KIF13B: variants seen among roughly 807,000 people sequenced by gnomAD.
KIF13B encodes the protein kinesin family member 13B.
KIF13B carries 127 observed loss-of-function variants against 222.0 expected under a neutral mutation model. The ratio of observed to expected loss-of-function variants is 0.57; its 90% confidence interval spans 0.50 to 0.66. KIF13B has a LOEUF of 0.66. Among genes scored for constraint, KIF13B ranks in the 30% least tolerant of loss-of-function variants. The pLI is 0.00. For missense variants in KIF13B, 2,173 were observed against 2,379.0 expected (o/e 0.91, Z 1.80); for synonymous variants, 976 against 919.0 (o/e 1.06, Z -1.12).
intron 35 of KIF13B, among the ~76,000 whole-genome samples, chr8:29,104,488 A>C (rs994143521): frequency 6.6e-6 from 1 of 152,150 alleles, no homozygotes; most frequent in Admixed American, 6.5e-5. Flanking sequence ...CCACGTTTGC[A>C]TTGATAACTG....
chr8:29,095,051 G>C (rs1290490807), intron 36 of KIF13B, among the ~76,000 whole-genome samples: 1 of 151,688 alleles, frequency 6.6e-6, no homozygotes, highest in Non-Finnish European at 1.5e-5. Flanking sequence ...TAGATTCTCA[G>C]AAAGAGCAGA....
At chr8:29,140,754 C>A (rs1357222249) in intron 19 of KIF13B, 137 bp from the exon 20 acceptor site, 2 of 808,426 alleles carry the variant, frequency 2.5e-6, no homozygotes, top group Non-Finnish European at 3.8e-6. Flanking sequence ...TAGAGTAAAA[C>A]ATTCTAAAGT....
intron 2 of KIF13B, among the ~76,000 whole-genome samples, chr8:29,225,416 A>G (rs1176138491): frequency 6.6e-6 from 1 of 152,198 alleles, no homozygotes; most frequent in African/African-American, 2.4e-5. Flanking sequence ...AAACTACTCA[A>G]TGCAAGATTG....
In KIF13B at chr8:29,070,093, T is replaced by TG. The variant is rs927463584; in HGVS notation, c.*410dup. On this transcript the variant is annotated 3_prime_UTR_variant, in exon 40 of 40. Transcript: ENST00000524189. The surrounding 1 kb of genome is among the most constrained non-coding windows in gnomAD (Gnocchi z 4.1). ...GTGGGTGGGGGGGCTTGCCCTCCAGTGGGGAGGAAAGGCACTGGTTACAAT... is the reference window on the plus strand; with the variant it reads ...GTGGGTGGGGGGGCTTGCCCTCCAGTGGGGGAGGAAAGGCACTGGTTACAAT... 1 of 180,754 alleles carries TG rather than the reference T, an allele frequency of 5.5e-6. No homozygotes were observed. Among genetic ancestry groups the TG allele is most frequent in the Non-Finnish European group, 1.1e-5 (1 of 87,026 alleles). 11.2% of individuals were successfully genotyped at this position (180,754 alleles called of 1,614,324 possible). A position where few individuals can be genotyped will look rare whatever the true frequency, so the allele number is the denominator to read the frequency against.
rs1479095203 is a variant in KIF13B, at chr8:29,075,389, G to A, written c.4459-46C>T. ...GTCAGGGGTCGAGAGGACAGAACAG[G>A]GGTAGCAGAAAGGTTTCCGCTGCAC... On this transcript the variant is annotated intron_variant, in intron 37 of 39. Transcript: ENST00000524189. 3.9e-6 allele frequency: 6 copies of A among 1,520,834 alleles called. No homozygotes were observed. In the African/African-American group the frequency reaches 5.5e-5, roughly 14 times the overall value. The allele number at this position is 1,520,834 out of a possible 1,614,324, so 94.2% of individuals were successfully genotyped here. A position where few individuals can be genotyped will look rare whatever the true frequency, so the allele number is the denominator to read the frequency against.
At chr8:29,214,282 A>G (rs541693861) in intron 2 of KIF13B, among the ~76,000 whole-genome samples, 1 of 151,294 alleles carries the variant, frequency 6.6e-6, no homozygotes, top group East Asian at 1.9e-4. Flanking sequence ...GATTCTTGTA[A>G]TAACAGTCAG....
At chr8:29,120,287 T>TA (rs1809805953) in intron 29 of KIF13B, among the ~76,000 whole-genome samples, 1 of 116,338 alleles carries the variant, frequency 8.6e-6, no homozygotes. Flanking sequence ...CACTAACGTG[T>TA]CATCTAGCAT....
chr8:29,259,576 T>C (rs1378065845), intron 1 of KIF13B, among the ~76,000 whole-genome samples: 1 of 152,240 alleles, frequency 6.6e-6, no homozygotes. Flanking sequence ...ACTCAATCAA[T>C]GTTTGCTTAC....
chr8:29,192,076 C>T (rs913689565), intron 3 of KIF13B, among the ~76,000 whole-genome samples: 13 of 152,198 alleles, frequency 8.5e-5, no homozygotes, highest in African/African-American at 3.1e-4. Flanking sequence ...GCCACCTTTC[C>T]ATGACTAGTT....
At chr8:29,110,232 A>G (rs955310789) in intron 32 of KIF13B, among the ~76,000 whole-genome samples, 162 bp from the exon 33 acceptor site, 1 of 152,232 alleles carries the variant, frequency 6.6e-6, no homozygotes, top group Non-Finnish European at 1.5e-5. Context: ...AAAGGTGATT[A>G]GGTGACTAGG....
chr8:29,129,977 T>C (rs1376645959), intron 24 of KIF13B, among the ~76,000 whole-genome samples: 2 of 152,260 alleles, frequency 1.3e-5, no homozygotes, highest in African/African-American at 4.8e-5. Flanking sequence ...AGAGCCAGAA[T>C]TGAGCCCAAG....
At position 29,147,609 on chromosome 8, in the gene KIF13B, A is replaced by C. The variant is rs1811115811; in HGVS notation, c.1814-7T>G. 9 of 1,596,510 alleles carry C rather than the reference A, an allele frequency of 5.6e-6. No homozygotes were observed. The highest frequency in any genetic ancestry group is 7.7e-6 in the Non-Finnish European group (9 of 1,166,872). The stretch of plus-strand genomic sequence containing the variant: ...AATATGGACTGCATCGGATCTAAAC[A>C]CATTTTTAAAAAAGATACATGATCG... On this transcript the variant is annotated splice_region_variant and splice_polypyrimidine_tract_variant and intron_variant, in intron 16 of 39. Coordinates refer to ENST00000524189, the MANE Select transcript of KIF13B (RefSeq NM_015254.4).
rs1807186303 is a variant in KIF13B, at chr8:29,070,131, T to A, written c.*373A>T. ...CACTGGTTACAATTATGGTTTAGGTTAAGACATTAGTGGGGCCACCAGAAT... is the reference window on the plus strand; with the variant it reads ...CACTGGTTACAATTATGGTTTAGGTAAAGACATTAGTGGGGCCACCAGAAT... On this transcript the variant is annotated 3_prime_UTR_variant, in exon 40 of 40. Transcript: ENST00000524189. This position sits in a 1 kb window ranked among gnomAD's most constrained non-coding sequence, Gnocchi z 4.1. 1.1e-5 allele frequency: 3 copies of A among 277,318 alleles called. No individual in the cohort carries two copies. Among genetic ancestry groups the A allele is most frequent in the Non-Finnish European group, 2.1e-5 (3 of 145,788 alleles). The allele number at this position is 277,318 out of a possible 1,614,324, so 17.2% of individuals were successfully genotyped here.
In KIF13B at chr8:29,191,310, C is replaced by T. The variant is rs546263672; in HGVS notation, c.163-253G>A. The stretch of plus-strand genomic sequence containing the variant: ...ACACACACATGCACCTACAGTCACA[C>T]ACACAGAATTACATCTATAGTTTAT... On this transcript the variant is annotated intron_variant, in intron 3 of 39. Coordinates refer to ENST00000524189, the MANE Select transcript of KIF13B (RefSeq NM_015254.4). Among the ~76,000 whole-genome samples, 6 of 152,312 alleles carry T rather than the reference C, an allele frequency of 3.9e-5. No individual in the cohort carries two copies. The East Asian group carries it at 1.2e-3, about 29-fold the overall frequency.
intron 2 of KIF13B, among the ~76,000 whole-genome samples, chr8:29,238,958 A>T (rs1242339027): frequency 3.9e-5 from 6 of 152,298 alleles, no homozygotes; most frequent in Non-Finnish European, 8.8e-5. Flanking sequence ...GGATCACTTG[A>T]GCCTGGGAGG....
rs1399969160 is a variant in KIF13B, at chr8:29,140,346, T to C, written c.2484+122A>G. On this transcript the variant is annotated intron_variant, in intron 20 of 39. Coordinates refer to ENST00000524189, the MANE Select transcript of KIF13B (RefSeq NM_015254.4). ...GACAGTTACTCTACCCTAAGAGTCC[T>C]TGGAAACACAAGGTATTAATAAGAC... is the stretch of plus-strand genomic sequence containing the variant. The C allele has an allele frequency of 8.0e-6, 11 of 1,381,318 alleles. No homozygotes were observed. In the East Asian group the frequency reaches 2.1e-4, roughly 27 times the overall value. 85.6% of individuals were successfully genotyped at this position (1,381,318 alleles called of 1,614,324 possible). A position where few individuals can be genotyped will look rare whatever the true frequency, so the allele number is the denominator to read the frequency against.
chr8:29,180,001 A>G, intron 8 of KIF13B, 103 bp downstream of exon 8: 1 of 1,306,938 alleles, frequency 7.7e-7, no homozygotes, highest in Admixed American at 1.9e-5. Context: ...TTGATACACA[A>G]GTCTAGCCAG....
intron 4 of KIF13B, chr8:29,189,551 G>GT (rs1813083535): frequency 6.6e-6 from 1 of 152,220 alleles, no homozygotes; most frequent in Admixed American, 6.5e-5. Context: ...GAATAATAGA[G>GT]TAACAGACTT....
chr8:29,155,352 C>A (rs1811472275), intron 14 of KIF13B, among the ~76,000 whole-genome samples: 1 of 152,174 alleles, frequency 6.6e-6, no homozygotes, highest in South Asian at 2.1e-4. Context: ...GCAGACCCAA[C>A]AGGAGTTAGC....
Sources: allele counts gnomAD v4.1 joint callset (sites outside exome capture counted in the v4.1 genomes callset), GRCh38; gene constraint gnomAD v4.1.1; non-coding constraint Gnocchi (gnomAD v3.1); transcripts MANE v1.5; gene names NCBI Gene and HGNC (gene_info 2026-07-23, HGNC 2026-07-21).